Variants in DHX15 observed in about 807,000 individuals in gnomAD.
DHX15 encodes the protein ATP-dependent RNA helicase DHX15.
DHX15 carries 11 observed loss-of-function variants against 94.4 expected under a neutral mutation model. That is an observed-to-expected ratio of 0.12 (90% CI 0.07 to 0.19). The LOEUF (loss-of-function observed/expected upper bound fraction) is 0.19. DHX15 is among the 10% of genes least tolerant of loss of function. DHX15 has a pLI of 1.00. For missense variants in DHX15, 304 were observed against 988.5 expected (o/e 0.31, Z 9.29); for synonymous variants, 338 against 329.9 (o/e 1.02, Z -0.27).
chr4:24,553,111 T>G (rs1721648111), intron 5 of DHX15, among the ~76,000 whole-genome samples: 2 of 151,718 alleles, frequency 1.3e-5, no homozygotes, highest in African/African-American at 4.8e-5. Context: ...TCACCTGAAG[T>G]TGGGAGTTCA....
intron 11 of DHX15, 77 bp downstream of exon 11, chr4:24,536,974 A>G: frequency 6.9e-7 from 1 of 1,451,952 alleles, no homozygotes; most frequent in South Asian, 1.5e-5. Flanking sequence ...ATAATAAATC[A>G]AAGTGGGACA....
At position 24,584,499 on chromosome 4, in the gene DHX15, A is replaced by C; in HGVS notation, c.-106T>G. Reference sequence around the variant, plus strand: ...CTGGAGGACCCCCACCCCTCCCGCTACTACAGCCCACACGGTGCGGCCGGA... The same window carrying C: ...CTGGAGGACCCCCACCCCTCCCGCTCCTACAGCCCACACGGTGCGGCCGGA... On this transcript the variant is annotated 5_prime_UTR_variant, in exon 1 of 14. Coordinates refer to ENST00000336812, the MANE Select transcript of DHX15 (RefSeq NM_001358.3). The C allele has an allele frequency of 9.1e-7, 1 of 1,093,954 alleles. No homozygotes were observed. The highest frequency in any genetic ancestry group is 1.5e-5 in the South Asian group (1 of 66,916). The allele number at this position is 1,093,954 out of a possible 1,614,324, so 67.8% of individuals were successfully genotyped here.
At chr4:24,574,404 T>G (rs955303099) in intron 2 of DHX15, among the ~76,000 whole-genome samples, 2 of 152,062 alleles carry the variant, frequency 1.3e-5, no homozygotes, top group Non-Finnish European at 2.9e-5. Flanking sequence ...CCAGATGTGC[T>G]GCAATCCTCA....
At chr4:24,575,295 G>A (rs1430494013) in intron 2 of DHX15, among the ~76,000 whole-genome samples, 3 of 152,052 alleles carry the variant, frequency 2.0e-5, no homozygotes, top group Admixed American at 6.6e-5. Flanking sequence ...TTGTGTATGC[G>A]GTATGTTCAA....
At chr4:24,539,950 T>C (rs1219852783) in intron 10 of DHX15, 158 bp downstream of exon 10, 1 of 498,658 alleles carries the variant, frequency 2.0e-6, no homozygotes, top group Admixed American at 3.9e-5. Flanking sequence ...ACTATGTCAT[T>C]ACGAAGCTAT....
At chr4:24,554,649 G>GTTCTTATGATTAAGGT (rs1038186392) in intron 5 of DHX15, 76 bp downstream of exon 5, 2 of 1,085,850 alleles carry the variant, frequency 1.8e-6, no homozygotes, top group Admixed American at 4.2e-5. Context: ...TGATTAACAT[G>GTTCTTATGATTAAGGT]TTCTTATGAT....
chr4:24,559,401 CAG>C (rs1180128821), intron 3 of DHX15, among the ~76,000 whole-genome samples: 3 of 111,706 alleles, frequency 2.7e-5, no homozygotes, highest in Non-Finnish European at 5.7e-5. Context: ...AAAAAAGAAA[CAG>C]TACTTGACGA....
rs1165696862 is a variant in DHX15, at chr4:24,570,713, G to A, written c.642C>T (p.Gly214=). ...ATCGAATGGAGTAACCAACTTCCTG[G>A]CCCAACATCACATCCATCTCATCAG... ...RVADEMDVML[G]QEVGYSIRFE... Residue 214 remains glycine (G), a synonymous_variant, in exon 3 of 14, where the codon GGC becomes GGT. Coordinates refer to ENST00000336812, the MANE Select transcript of DHX15 (RefSeq NM_001358.3). 9.3e-6 allele frequency: 15 copies of A among 1,613,924 alleles called. No individual in the cohort carries two copies. Among genetic ancestry groups the A allele is most frequent in the African/African-American group, 1.3e-5 (1 of 74,884 alleles).
intron 2 of DHX15, among the ~76,000 whole-genome samples, chr4:24,575,685 A>T (rs1023946465): frequency 9.2e-5 from 14 of 152,304 alleles, no homozygotes; most frequent in African/African-American, 3.4e-4. Flanking sequence ...ATGCAAAACA[A>T]CCATGGGAAA....
At chr4:24,577,208 A>C (rs1294810431) in intron 1 of DHX15, among the ~76,000 whole-genome samples, 1 of 152,188 alleles carries the variant, frequency 6.6e-6, no homozygotes, top group Non-Finnish European at 1.5e-5. Flanking sequence ...CTTCTAATAA[A>C]TTACTTTAAT....
intron 1 of DHX15, among the ~76,000 whole-genome samples, chr4:24,578,848 T>C (rs553466518): frequency 6.6e-6 from 1 of 152,272 alleles, no homozygotes; most frequent in African/African-American, 2.4e-5. Flanking sequence ...ACCGATGAGC[T>C]ACCATGCCCA....
At chr4:24,548,173 C>T (rs1398703775) in intron 6 of DHX15, among the ~76,000 whole-genome samples, 2 of 129,020 alleles carry the variant, frequency 1.6e-5, no homozygotes, top group Non-Finnish European at 3.1e-5. Context: ...GAGATGGAGT[C>T]GCGCTGTCGC....
intron 1 of DHX15, chr4:24,584,059 G>C: frequency 4.0e-6 from 2 of 505,288 alleles, no homozygotes; most frequent in East Asian, 3.7e-5. Context: ...GTTCGGCCTG[G>C]GGGAGGAGGC....
intron 3 of DHX15, among the ~76,000 whole-genome samples, chr4:24,560,521 TA>T (rs907488203): frequency 3.3e-5 from 5 of 152,124 alleles, no homozygotes; most frequent in African/African-American, 1.2e-4. Flanking sequence ...TGAAGTGTCA[TA>T]AAGCAAAGAA....
chr4:24,569,920 A>G (rs1056985877), intron 3 of DHX15, among the ~76,000 whole-genome samples: 1 of 152,266 alleles, frequency 6.6e-6, no homozygotes, highest in Admixed American at 6.5e-5. Context: ...AAACAGGCAT[A>G]TGCCACTGAG....
chr4:24,584,225 G>T, intron 1 of DHX15, 98 bp downstream of exon 1: 1 of 1,250,734 alleles, frequency 8.0e-7, no homozygotes, highest in Non-Finnish European at 1.1e-6. Flanking sequence ...CAAAGGCTCG[G>T]GCTCCAGGAC....
At chr4:24,540,351 G>A (rs2109395924) in intron 9 of DHX15, 52 bp from the exon 10 acceptor site, 2 of 1,458,296 alleles carry the variant, frequency 1.4e-6, no homozygotes, top group East Asian at 2.3e-5. Flanking sequence ...AAGCAAAAAT[G>A]TGACAAAGTA....
At chr4:24,529,331 G>A (rs1232680070) in intron 13 of DHX15, among the ~76,000 whole-genome samples, 1 of 152,172 alleles carries the variant, frequency 6.6e-6, no homozygotes, top group African/African-American at 2.4e-5. Flanking sequence ...GAGCCACCAT[G>A]CCCAGCCCCT....
intron 11 of DHX15, among the ~76,000 whole-genome samples, chr4:24,534,447 G>A (rs1721152731): frequency 6.6e-6 from 1 of 152,156 alleles, no homozygotes; most frequent in African/African-American, 2.4e-5. Flanking sequence ...AAGAACAAAT[G>A]ACTAGTAACT....
Sources: gnomAD v4.1 joint callset for allele counts (sites outside exome capture counted in the v4.1 genomes callset) on GRCh38, gnomAD v4.1.1 for gene constraint, MANE v1.5 for transcripts, NCBI Gene and HGNC (gene_info 2026-07-23, HGNC 2026-07-21) for gene names.